CNTN1: variants seen among roughly 807,000 people sequenced by gnomAD.
The protein encoded by CNTN1 is contactin 1, also known as contactin-1.
Under a neutral mutation model 126.4 loss-of-function variants are expected in CNTN1, and 38 were observed. The ratio of observed to expected loss-of-function variants is 0.30; its 90% CI spans 0.23 to 0.39. The LOEUF (loss-of-function observed/expected upper bound fraction) is 0.39, where lower values mean the gene tolerates loss of function less well. CNTN1 is among the 10% of genes least tolerant of loss of function. CNTN1 has a pLI of 1.00. For synonymous variants in CNTN1, 413 were observed against 422.6 expected (o/e 0.98, Z 0.28); for missense variants, 1,009 against 1,248.4 (o/e 0.81, Z 2.89).
At chr12:40,787,779 T>C (rs1256676625) in intron 1 of CNTN1, among the ~76,000 whole-genome samples, 1 of 152,186 alleles carries the variant, frequency 6.6e-6, no homozygotes, top group Non-Finnish European at 1.5e-5. Flanking sequence ...AGGAAAACAT[T>C]TTGCCAAATT....
chr12:41,016,882 C>A lies in CNTN1; in HGVS notation c.2385C>A (p.Tyr795Ter), dbSNP rs1389946952. Residue 795 changes from tyrosine (Y) to a stop codon, truncating the protein, a stop_gained, in exon 19 of 24, where the codon TAC becomes TAA. Coordinates refer to ENST00000551295, the MANE Select transcript of CNTN1 (RefSeq NM_001843.4). LOFTEE classifies it high-confidence loss of function. The stretch of plus-strand genomic sequence containing the variant: ...TCAACAACAAAGGAGATGGACCTTA[C>A]AGCCTAGTAGCAGTCATTAATTCAG... ...KAFNNKGDGP[Y>*]SLVAVINSAQ... is the part of the protein sequence containing the mutation. The A allele has an allele frequency of 1.9e-6, 3 of 1,613,994 alleles. No homozygotes were observed. Among genetic ancestry groups the A allele is most frequent in the Admixed American group, 1.7e-5 (1 of 60,000 alleles).
intron 1 of CNTN1, among the ~76,000 whole-genome samples, chr12:40,704,064 G>C (rs927617142): frequency 7.9e-5 from 12 of 152,052 alleles, no homozygotes; most frequent in African/African-American, 1.9e-4. Context: ...AAGAAATATG[G>C]TATAGTATAA....
chr12:40,914,826 C>T lies in CNTN1; in HGVS notation c.95-3813C>T, dbSNP rs149793447. 1.5e-3 allele frequency among the ~76,000 whole-genome samples: 232 copies of T among 152,164 alleles called. 3 individuals are homozygous for T. The highest frequency in any genetic ancestry group is 5.4e-3 in the African/African-American group (224 of 41,540). ...ACTGAGAAGAAAAAGTAGCATAAGG[C>T]ACCAATGTTATCCAGTTTGGCCTAT... On this transcript the variant is annotated intron_variant, in intron 3 of 23. Coordinates refer to ENST00000551295, the MANE Select transcript of CNTN1 (RefSeq NM_001843.4).
intron 1 of CNTN1, among the ~76,000 whole-genome samples, chr12:40,785,601 C>T (rs1239202327): frequency 6.6e-6 from 1 of 152,008 alleles, no homozygotes; most frequent in Non-Finnish European, 1.5e-5. Context: ...GGGTGGATCT[C>T]ACAAAGTACA....
At chr12:40,876,141 C>CAAAA (rs76745017) in intron 1 of CNTN1, among the ~76,000 whole-genome samples, 1 of 142,702 alleles carries the variant, frequency 7.0e-6, no homozygotes. Flanking sequence ...TAGTAAAAGC[C>CAAAA]AAAAAAAAAA....
At chr12:41,058,490 T>G (rs1318453359) in intron 23 of CNTN1, among the ~76,000 whole-genome samples, 1 of 152,152 alleles carries the variant, frequency 6.6e-6, no homozygotes, top group Non-Finnish European at 1.5e-5. Context: ...CAAAATGGTT[T>G]CTTAAAGAAT....
chr12:40,886,454 A>T lies in CNTN1; in HGVS notation c.-76-21903A>T, dbSNP rs75848082. The stretch of plus-strand genomic sequence containing the variant: ...AAAAGTTAAGAGTCTTTTATCGTAG[A>T]TTCTGGATATTAGCCCTTTGTCAGA... On this transcript the variant is annotated intron_variant, in intron 1 of 23. Coordinates refer to ENST00000551295, the MANE Select transcript of CNTN1 (RefSeq NM_001843.4). 2.0e-5 allele frequency among the ~76,000 whole-genome samples: 3 copies of T among 152,216 alleles called. No individual in the cohort carries two copies. The South Asian group carries it at 6.2e-4, about 32-fold the overall frequency.
chr12:40,990,141 C>T (rs1311691521), intron 16 of CNTN1, among the ~76,000 whole-genome samples: 1 of 152,122 alleles, frequency 6.6e-6, no homozygotes, highest in African/African-American at 2.4e-5. Context: ...TTATAACTAT[C>T]TACCAAAACA....
At chr12:40,815,127 A>G (rs1941215337) in intron 1 of CNTN1, among the ~76,000 whole-genome samples, 1 of 152,126 alleles carries the variant, frequency 6.6e-6, no homozygotes, top group Non-Finnish European at 1.5e-5. Flanking sequence ...TGTCTTGGCT[A>G]TTTGAGGTCT....
At chr12:41,054,887 A>G (rs993584126) in intron 23 of CNTN1, among the ~76,000 whole-genome samples, 2 of 152,168 alleles carry the variant, frequency 1.3e-5, no homozygotes, top group Non-Finnish European at 2.9e-5. Flanking sequence ...CTGCATGGTC[A>G]ATGAACAGTA....
intron 23 of CNTN1, among the ~76,000 whole-genome samples, chr12:41,031,802 C>G (rs918590109): frequency 2.6e-5 from 4 of 152,076 alleles, no homozygotes; most frequent in Non-Finnish European, 5.9e-5. Context: ...TATGAAATGT[C>G]AGATGCTTGG....
At chr12:41,002,254 G>T (rs796649723) in intron 17 of CNTN1, among the ~76,000 whole-genome samples, 34 of 151,984 alleles carry the variant, frequency 2.2e-4, no homozygotes, top group African/African-American at 7.7e-4. Flanking sequence ...TAGTATTGAT[G>T]CTTTCTATCC....
At chr12:40,713,793 C>G (rs1377623070) in intron 1 of CNTN1, among the ~76,000 whole-genome samples, 2 of 152,042 alleles carry the variant, frequency 1.3e-5, no homozygotes, top group Non-Finnish European at 2.9e-5. Context: ...ATCCAAAACC[C>G]CTGTGCATTA....
At chr12:40,809,798 A>C (rs1270114989) in intron 1 of CNTN1, among the ~76,000 whole-genome samples, 1 of 133,788 alleles carries the variant, frequency 7.5e-6, no homozygotes, top group African/African-American at 2.8e-5. Flanking sequence ...CCTGGGCAAC[A>C]GAGTGAGACT....
chr12:40,867,617 T>C (rs1943343466), intron 1 of CNTN1, among the ~76,000 whole-genome samples: 1 of 152,038 alleles, frequency 6.6e-6, no homozygotes, highest in African/African-American at 2.4e-5. Context: ...TATATAAATT[T>C]TATTTGTCAA....
intron 1 of CNTN1, among the ~76,000 whole-genome samples, chr12:40,711,009 T>C (rs574926224): frequency 2.0e-5 from 3 of 152,290 alleles, no homozygotes; most frequent in African/African-American, 4.8e-5. Context: ...GCTAAAAATA[T>C]CACTCTGAGG....
At chr12:40,700,980 A>G (rs1402232096) in intron 1 of CNTN1, among the ~76,000 whole-genome samples, 4 of 152,200 alleles carry the variant, frequency 2.6e-5, no homozygotes, top group Admixed American at 6.5e-5. Flanking sequence ...TTAAAAAGTT[A>G]ATGCATGGAG....
chr12:41,018,437 T>A (rs566035717), intron 19 of CNTN1, among the ~76,000 whole-genome samples: 1 of 152,208 alleles, frequency 6.6e-6, no homozygotes, highest in Admixed American at 6.5e-5. Flanking sequence ...TTTTAGTATT[T>A]GTTAAAAATG....
intron 17 of CNTN1, among the ~76,000 whole-genome samples, chr12:40,995,569 A>G (rs1948192793): frequency 6.6e-6 from 1 of 152,130 alleles, no homozygotes; most frequent in Non-Finnish European, 1.5e-5. Context: ...TTCTTTAGGC[A>G]TCACCTCTTA....
Sources: allele counts gnomAD v4.1 joint callset (sites outside exome capture counted in the v4.1 genomes callset), GRCh38; gene constraint gnomAD v4.1.1; transcripts MANE v1.5; gene names NCBI Gene and HGNC (gene_info 2026-07-23, HGNC 2026-07-21).